Variants in TPTE observed in about 807,000 individuals in gnomAD.
TPTE encodes putative tyrosine-protein phosphatase TPTE.
A neutral mutation model predicts 84.1 loss-of-function variants in TPTE; 59 were observed. The observed-to-expected ratio is 0.70, with a 90% CI of 0.57 to 0.87. The LOEUF (loss-of-function observed/expected upper bound fraction) is 0.87. Among genes scored for constraint, TPTE ranks in the 40% least tolerant of loss-of-function variants. The pLI, the probability that TPTE is intolerant of heterozygous loss-of-function variation, is 0.00. For missense variants in TPTE, 382 were observed against 659.6 expected (o/e 0.58, Z 4.61); for synonymous variants, 130 against 223.5 (o/e 0.58, Z 3.73).
At chr21:10,572,327 C>G (rs1217484656) in intron 14 of TPTE, among the ~76,000 whole-genome samples, 1 of 152,296 alleles carries the variant, frequency 6.6e-6, no homozygotes, top group African/African-American at 2.4e-5. Context: ...TGGCGTGAAC[C>G]TGTAGTTCCA....
intron 8 of TPTE, among the ~76,000 whole-genome samples, chr21:10,558,460 T>C (rs1278821949): frequency 6.6e-6 from 1 of 152,312 alleles, no homozygotes; most frequent in Non-Finnish European, 1.5e-5. Flanking sequence ...TGGTGTGAAA[T>C]GGTATCTCAT....
intron 10 of TPTE, among the ~76,000 whole-genome samples, chr21:10,562,544 T>C (rs1427883951): frequency 1.3e-5 from 2 of 152,302 alleles, no homozygotes; most frequent in Non-Finnish European, 2.9e-5. Context: ...CATAATTCTA[T>C]TAGATAAGTT....
At chr21:10,587,389 T>A (rs2075385614) in intron 17 of TPTE, among the ~76,000 whole-genome samples, 1 of 152,308 alleles carries the variant, frequency 6.6e-6, no homozygotes, top group Admixed American at 6.5e-5. Flanking sequence ...CTTCTAGAAC[T>A]CCCCAGGGTC....
intron 4 of TPTE, chr21:10,540,759 T>C (rs771843517): frequency 1.9e-6 from 1 of 521,272 alleles, no homozygotes; most frequent in East Asian, 5.4e-5. Flanking sequence ...AGGAGGTGAT[T>C]GGAGGTGATA....
intron 10 of TPTE, among the ~76,000 whole-genome samples, chr21:10,562,046 ACT>A (rs1294142072): frequency 2.0e-5 from 3 of 152,412 alleles, no homozygotes; most frequent in East Asian, 1.9e-4. Context: ...AGAGAGAGAG[ACT>A]CTGTTTGTTT....
At chr21:10,599,780 T>C (rs2075654308) in intron 21 of TPTE, among the ~76,000 whole-genome samples, 1 of 152,306 alleles carries the variant, frequency 6.6e-6, no homozygotes, top group Non-Finnish European at 1.5e-5. Context: ...CCCTTTTGGC[T>C]CTTGGAACAC....
intron 2 of TPTE, among the ~76,000 whole-genome samples, chr21:10,525,264 T>G (rs946734884): frequency 1.3e-5 from 2 of 152,310 alleles, no homozygotes; most frequent in Admixed American, 1.3e-4. Context: ...CATTTTAAGA[T>G]CTGTGAATCA....
chr21:10,563,301 A>G (rs1399652575), intron 10 of TPTE, among the ~76,000 whole-genome samples: 1 of 152,310 alleles, frequency 6.6e-6, no homozygotes, highest in African/African-American at 2.4e-5. Flanking sequence ...AGCAATAAGT[A>G]ACAACCTGAA....
intron 5 of TPTE, 114 bp from the exon 6 acceptor site, chr21:10,542,281 A>G: frequency 3.1e-6 from 4 of 1,303,194 alleles, no homozygotes; most frequent in East Asian, 2.5e-5. Flanking sequence ...TACTATACAC[A>G]TGAATAGTCA....
At chr21:10,556,534 T>A (rs2074687677) in intron 8 of TPTE, among the ~76,000 whole-genome samples, 1 of 152,256 alleles carries the variant, frequency 6.6e-6, no homozygotes, top group Non-Finnish European at 1.5e-5. Flanking sequence ...GCAGCATGAT[T>A]TATAATCCTT....
intron 17 of TPTE, among the ~76,000 whole-genome samples, chr21:10,583,480 G>C (rs2075304936): frequency 6.6e-6 from 1 of 152,306 alleles, no homozygotes; most frequent in Non-Finnish European, 1.5e-5. Flanking sequence ...TTTCAATTCT[G>C]TTATTGGTCA....
rs1454829502 is a variant in TPTE at position 10,541,776 on chromosome 21, C to G, written c.65+611C>G. The stretch of plus-strand genomic sequence containing the variant: ...TGTACCAGACATACCAGAGTAGGCC[C>G]AGGGAAGAGAGAATCCTGTTTGGAG... On this transcript the variant is annotated intron_variant, in intron 5 of 23. Coordinates refer to ENST00000618007, the MANE Select transcript of TPTE (RefSeq NM_199261.4). 5.3e-5 allele frequency among the ~76,000 whole-genome samples: 8 copies of G among 152,308 alleles called. No individual in the cohort carries two copies. The South Asian group carries it at 8.3e-4, about 16-fold the overall frequency.
intron 3 of TPTE, 142 bp downstream of exon 3, chr21:10,527,554 C>T (rs572728542): frequency 1.3e-5 from 2 of 152,958 alleles, no homozygotes; most frequent in East Asian, 3.8e-4. Context: ...AAGAAGGATG[C>T]TTGGTACTCA....
At chr21:10,590,564 A>T in intron 18 of TPTE, 41 bp downstream of exon 18, 1 of 1,612,692 alleles carries the variant, frequency 6.2e-7, no homozygotes, top group Non-Finnish European at 8.5e-7. Context: ...AGGATGATTG[A>T]GTTTGCTAGT....
chr21:10,560,496 CAT>C (rs1252017279), intron 9 of TPTE, among the ~76,000 whole-genome samples: 7 of 152,306 alleles, frequency 4.6e-5, no homozygotes, highest in African/African-American at 7.2e-5. Context: ...GTTCAAGACT[CAT>C]GTGCCCATCA....
chr21:10,558,115 A>C (rs1286723304), intron 8 of TPTE, among the ~76,000 whole-genome samples: 4 of 152,310 alleles, frequency 2.6e-5, no homozygotes, highest in Non-Finnish European at 5.9e-5. Flanking sequence ...ATAGTATTCC[A>C]TGGTATATAT....
In TPTE at chr21:10,530,615, C is replaced by T. The variant is rs558793062; in HGVS notation, c.-44+3203C>T. On this transcript the variant is annotated intron_variant, in intron 3 of 23. Transcript: ENST00000618007. ...TACCATTTGCCTTCACAAAGAGTGC[C>T]GCTAAATAATTATCCTTATGCCAGA... Among the ~76,000 whole-genome samples, 10 of 152,416 alleles carry T rather than the reference C, an allele frequency of 6.6e-5. No homozygotes were observed. The East Asian group carries it at 7.7e-4, about 12-fold the overall frequency.
chr21:10,576,178 C>T (rs1209021269), intron 14 of TPTE: 1 of 162,942 alleles, frequency 6.1e-6, no homozygotes, highest in East Asian at 1.9e-4. Flanking sequence ...TGGAATCAAC[C>T]TAAATGCCAG....
chr21:10,580,861 TG>T (rs1274499190), intron 17 of TPTE, among the ~76,000 whole-genome samples: 11 of 152,386 alleles, frequency 7.2e-5, no homozygotes, highest in Admixed American at 3.3e-4. Context: ...GGGGTGAAAA[TG>T]GGGGAAAAAA....
Sources: gnomAD v4.1 joint callset for allele counts (sites outside exome capture counted in the v4.1 genomes callset) on GRCh38, gnomAD v4.1.1 for gene constraint, MANE v1.5 for transcripts, NCBI Gene and HGNC (gene_info 2026-07-23, HGNC 2026-07-21) for gene names.